COL4A3: variants seen among roughly 807,000 people sequenced by gnomAD.
The protein encoded by COL4A3 is collagen type IV alpha 3 chain.
In COL4A3, 135 loss-of-function variants were observed where a neutral mutation model predicts 217.4. The observed-to-expected ratio is 0.62, with a 90% CI of 0.54 to 0.72. The LOEUF (loss-of-function observed/expected upper bound fraction) is 0.72. COL4A3 is among the 30% of genes least tolerant of loss of function. COL4A3 has a pLI of 0.00. For missense variants in COL4A3, 1,868 were observed against 2,119.9 expected, an observed-to-expected ratio of 0.88 and a Z score of 2.33; for synonymous variants, 690 against 736.3, an observed-to-expected ratio of 0.94 and a Z score of 1.02.
chr2:227,255,951 T>A, intron 15 of COL4A3, 75 bp from the exon 16 acceptor site: 1 of 1,439,202 alleles, frequency 6.9e-7, no homozygotes, highest in Non-Finnish European at 9.8e-7. Flanking sequence ...GATGATCATA[T>A]CACTTAAGAT....
rs1451568439 is a variant in COL4A3, at chr2:227,203,244, CATATATGTATAT to C, written c.88-34720_88-34709del. 1.2e-4 allele frequency among the ~76,000 whole-genome samples: 2 copies of C among 16,688 alleles called. 1 individual carries two copies. The highest frequency in any genetic ancestry group is 1.8e-4 in the Non-Finnish European group (2 of 11,160). The allele number at this position is 16,688 out of a possible 152,430, so 10.9% of individuals were successfully genotyped here. Reference sequence around the variant, plus strand: ...ATATGTGTATATATGTGTATATATACATATATGTATATATACATATATGTGTATATATGTGTA... The same window carrying C: ...ATATGTGTATATATGTGTATATATACATACATATATGTGTATATATGTGTA... On this transcript the variant is annotated intron_variant, in intron 1 of 51. Coordinates refer to ENST00000396578, the MANE Select transcript of COL4A3 (RefSeq NM_000091.5).
intron 1 of COL4A3, among the ~76,000 whole-genome samples, chr2:227,200,756 C>A (rs746809251): frequency 1.3e-5 from 2 of 152,146 alleles, no homozygotes; most frequent in Non-Finnish European, 2.9e-5. Flanking sequence ...TTGTTTCTGT[C>A]ATAAGTAACA....
intron 1 of COL4A3, among the ~76,000 whole-genome samples, chr2:227,180,014 A>G (rs2065818863): frequency 6.6e-6 from 1 of 152,210 alleles, no homozygotes; most frequent in South Asian, 2.1e-4. Context: ...TTATCTGCAA[A>G]GTAAAGTGCT....
At chr2:227,284,162 G>A (rs756551979) in intron 33 of COL4A3, 49 bp from the exon 34 acceptor site, 2 of 1,612,886 alleles carry the variant, frequency 1.2e-6, no homozygotes, top group Non-Finnish European at 8.5e-7. Context: ...TAATCCCTAT[G>A]AACTACCTGA....
Position 227,308,908 on chromosome 2 carries a change from G to A in COL4A3, c.4472G>A (p.Gly1491Asp), listed in dbSNP as rs374353882. ...TCTGATGTTTCATTAGGAACTCTTG[G>A]CAGCTGCCTGCAGCGATTTACCACA... Reference protein sequence around the residue: ...RAHGQDLGTLGSCLQRFTTMP... With the variant: ...RAHGQDLGTLDSCLQRFTTMP... Residue 1491 changes from glycine (G) to aspartate (D), a missense_variant, in exon 49 of 52, where the codon GGC becomes GAC. Gly to Asp is a moderately conservative substitution (Grantham distance 94). Transcript: ENST00000396578. 9 of 1,613,828 alleles carry A rather than the reference G, an allele frequency of 5.6e-6. No homozygotes were observed. The African/African-American group carries it at 1.2e-4, about 22-fold the overall frequency.
chr2:227,262,337 A>G (rs2070636062), intron 20 of COL4A3, among the ~76,000 whole-genome samples: 1 of 152,142 alleles, frequency 6.6e-6, no homozygotes, highest in Admixed American at 6.5e-5. Flanking sequence ...ACAAAAAAAC[A>G]GGCTCCTTTA....
At chr2:227,228,084 G>C (rs2068196659) in intron 1 of COL4A3, among the ~76,000 whole-genome samples, 1 of 152,352 alleles carries the variant, frequency 6.6e-6, no homozygotes, top group East Asian at 1.9e-4. Context: ...CTGTCATCCA[G>C]AAAATCAAAA....
At position 227,303,874 on chromosome 2, in the gene COL4A3, C is replaced by T. The variant is rs1014469152; in HGVS notation, c.3971C>T (p.Pro1324Leu). Residue 1324 changes from proline (P) to leucine (L), a missense_variant, in exon 45 of 52, where the codon CCT (proline) becomes CTT (leucine). Physicochemically the swap from Pro to Leu is moderately conservative, Grantham distance 98. Around this residue, in one of 2 missense-constraint regions of COL4A3, gnomAD observed 1,503 missense variants for 1,786.1 expected, o/e 0.84. Coordinates refer to ENST00000396578, the MANE Select transcript of COL4A3 (RefSeq NM_000091.5). The part of the protein sequence containing the change: ...FPGVKGEKGN[P>L]GFLGSIGPPG... ...TTGTTTTTAGGAGAAAAGGGTAATC[C>T]TGGATTTCTAGGATCCATTGGACCT... is the stretch of plus-strand genomic sequence containing the variant. 1.2e-6 allele frequency: 2 copies of T among 1,613,910 alleles called. No individual in the cohort carries two copies. The highest frequency in any genetic ancestry group is 2.7e-5 in the African/African-American group (2 of 74,932).
intron 38 of COL4A3, chr2:227,293,913 C>T (rs957828651): frequency 2.4e-5 from 9 of 377,846 alleles, no homozygotes; most frequent in Non-Finnish European, 4.9e-5. Flanking sequence ...CTACTGACCT[C>T]ATTTTAATTT....
At chr2:227,189,170 G>A (rs1008822715) in intron 1 of COL4A3, among the ~76,000 whole-genome samples, 4 of 152,132 alleles carry the variant, frequency 2.6e-5, no homozygotes, top group Non-Finnish European at 5.9e-5. Context: ...GAAAGGCAGG[G>A]CTCCATCCTG....
chr2:227,260,464 AG>A (rs1226527601), intron 19 of COL4A3, among the ~76,000 whole-genome samples: 1 of 152,202 alleles, frequency 6.6e-6, no homozygotes, highest in East Asian at 1.9e-4. Context: ...TCTGGACACT[AG>A]AAGATTGTAA....
rs1360113007 is a variant in COL4A3 at position 227,202,581 on chromosome 2, A to G, written c.88-35387A>G. On this transcript the variant is annotated intron_variant, in intron 1 of 51. Transcript: ENST00000396578. ...AACACGGTGAAACCCCGTCTCTACA[A>G]AAAATTAGCCGGGCGCGGTGGCGGG... Among the ~76,000 whole-genome samples, 3 of 150,578 alleles carry G rather than the reference A, an allele frequency of 2.0e-5. No homozygotes were observed. The East Asian group carries it at 5.9e-4, about 30-fold the overall frequency.
At chr2:227,175,440 T>C (rs111295849) in intron 1 of COL4A3, among the ~76,000 whole-genome samples, 8,500 of 152,146 alleles carry the variant, frequency 0.056, 283 homozygotes, top group Admixed American at 0.09. Context: ...CATTGCATTC[T>C]AGCCTAGGTG....
In COL4A3 at chr2:227,310,783, G is replaced by A; in HGVS notation, c.4763G>A (p.Ser1588Asn). Residue 1588 changes from serine to asparagine, a missense_variant, in exon 51 of 52, where the codon AGT becomes AAT. By Grantham distance (46) the Ser-to-Asn change is conservative. Around this residue, in one of 2 missense-constraint regions of COL4A3, gnomAD observed 1,503 missense variants for 1,786.1 expected, o/e 0.84. Transcript: ENST00000396578. ...TTTTTAAAATTGTGGTAGTTCACAA[G>A]TGCAGGTTCTGAGGGCACCGGGCAA... is the stretch of plus-strand genomic sequence containing the variant. ...WKGFSFIMFT[S>N]AGSEGTGQAL... 6.2e-7 allele frequency: 1 copy of A among 1,613,990 alleles called. No individual in the cohort carries two copies. The highest frequency in any genetic ancestry group is 1.1e-5 in the South Asian group (1 of 91,080).
chr2:227,301,938 G>A (rs1021194929), intron 43 of COL4A3: 21 of 152,212 alleles, frequency 1.4e-4, no homozygotes, highest in African/African-American at 4.8e-4. Context: ...AAGATAGCTG[G>A]TTCAAGGCCA....
intron 47 of COL4A3, among the ~76,000 whole-genome samples, chr2:227,307,243 CA>C (rs2073545169): frequency 6.6e-6 from 1 of 152,292 alleles, no homozygotes; most frequent in East Asian, 1.9e-4. Flanking sequence ...AAAGAGCTTT[CA>C]ATGTTTTCTG....
intron 28 of COL4A3, among the ~76,000 whole-genome samples, chr2:227,279,285 AT>A (rs2071791898): frequency 6.6e-6 from 1 of 150,832 alleles, no homozygotes; most frequent in Admixed American, 6.6e-5. Flanking sequence ...TTGTTTTTGT[AT>A]TTTTAGTAGA....
intron 37 of COL4A3, 137 bp from the exon 38 acceptor site, chr2:227,293,054 A>G: frequency 8.9e-7 from 1 of 1,126,178 alleles, no homozygotes; most frequent in Admixed American, 2.1e-5. Context: ...CCCAGCACCT[A>G]TCACAGTGCT....
chr2:227,262,994 A>G (rs1337164399), intron 20 of COL4A3, among the ~76,000 whole-genome samples: 4 of 152,214 alleles, frequency 2.6e-5, no homozygotes, highest in Non-Finnish European at 5.9e-5. Context: ...ACTCAAAAAT[A>G]CCCTGACATG....
Sources: gnomAD v4.1 joint callset for allele counts (sites outside exome capture counted in the v4.1 genomes callset) on GRCh38, gnomAD v4.1.1 for gene constraint, gnomAD v4.1.1 regional missense constraint, MANE v1.5 for transcripts, NCBI Gene and HGNC (gene_info 2026-07-23, HGNC 2026-07-21) for gene names.